NOB1: variants seen among roughly 807,000 people sequenced by gnomAD.
The protein encoded by NOB1 is RNA-binding protein NOB1.
In NOB1, 44 loss-of-function variants were observed where a neutral mutation model predicts 44.8. The observed-to-expected ratio is 0.98, with a 90% CI of 0.77 to 1.26. The LOEUF is 1.26. Among genes scored for constraint, NOB1 ranks in the 50% most tolerant of loss-of-function variants. The probability of loss-of-function intolerance (pLI) is 0.00; values close to 1 mark genes in which losing one functional copy is unlikely to be tolerated. For missense variants in NOB1, 560 were observed against 544.8 expected (o/e 1.03, Z -0.28); for synonymous variants, 238 against 218.7 (o/e 1.09, Z -0.78).
rs1567645274 is a variant in NOB1 at position 69,754,904 on chromosome 16, G to C, written c.7C>G (p.Pro3Ala). 3 of 1,585,460 alleles carry C rather than the reference G, an allele frequency of 1.9e-6. No homozygotes were observed. The Admixed American group carries it at 5.4e-5, about 29-fold the overall frequency. The part of the protein sequence containing the change: MA[P>A]VEHVVADAGA... ...GCATCCGCCACAACGTGCTCCACTG[G>C]AGCCATGTTGGCTGCGTGAGAGGGG... The change falls in exon 1 of 9, where the codon CCA becomes GCA. Residue 3 changes from proline to alanine, a missense_variant. Physicochemically the swap from Pro to Ala is conservative, Grantham distance 27. Coordinates refer to ENST00000268802, the MANE Select transcript of NOB1 (RefSeq NM_014062.3).
chr16:69,754,192 A>C (rs1186964456), intron 2 of NOB1, among the ~76,000 whole-genome samples: 4 of 152,214 alleles, frequency 2.6e-5, no homozygotes, highest in Non-Finnish European at 5.9e-5. Context: ...CATCAGCCCA[A>C]TCTACTGAAA....
chr16:69,747,172 G>C (rs1189472324), intron 7 of NOB1, among the ~76,000 whole-genome samples: 1 of 139,386 alleles, frequency 7.2e-6, no homozygotes. Flanking sequence ...AGTGAGTCGT[G>C]ATCGTGCCAC....
At position 69,754,741 on chromosome 16, in the gene NOB1, C is replaced by A. The variant is rs762340534; in HGVS notation, c.64-15G>T. ...TTCCCGATGTCCTGCGGACAGAACGCCCCAGCTCAGACCCACCCGCACCAA... is the reference window on the plus strand; with the variant it reads ...TTCCCGATGTCCTGCGGACAGAACGACCCAGCTCAGACCCACCCGCACCAA... On this transcript the variant is annotated splice_polypyrimidine_tract_variant and intron_variant, in intron 1 of 8. Coordinates refer to ENST00000268802, the MANE Select transcript of NOB1 (RefSeq NM_014062.3). 6.2e-7 allele frequency: 1 copy of A among 1,613,862 alleles called. No homozygotes were observed. The highest frequency in any genetic ancestry group is 8.5e-7 in the Non-Finnish European group (1 of 1,180,014).
chr16:69,743,409 T>A (rs1300127376), intron 8 of NOB1, among the ~76,000 whole-genome samples: 1 of 152,210 alleles, frequency 6.6e-6, no homozygotes, highest in Non-Finnish European at 1.5e-5. Flanking sequence ...TTAAGTATTA[T>A]AAATAACTTT....
intron 3 of NOB1, among the ~76,000 whole-genome samples, chr16:69,751,595 A>G (rs113668772): frequency 7.2e-5 from 11 of 152,322 alleles, no homozygotes; most frequent in African/African-American, 2.4e-4. Flanking sequence ...ACGCTTTAAC[A>G]TTTACAAAAT....
At position 69,742,617 on chromosome 16, in the gene NOB1, G is replaced by A. The variant is rs776064591; in HGVS notation, c.970-16C>T. On this transcript the variant is annotated splice_polypyrimidine_tract_variant and intron_variant, in intron 8 of 8. Coordinates refer to ENST00000268802, the MANE Select transcript of NOB1 (RefSeq NM_014062.3). Reference sequence around the variant, plus strand: ...GAAGCGAGTACTGGAAATAAGACAAGGAAGGGCCATTAGAAGAAGGGGAGC... The same window carrying A: ...GAAGCGAGTACTGGAAATAAGACAAAGAAGGGCCATTAGAAGAAGGGGAGC... 1 of 1,612,768 alleles carries A rather than the reference G, an allele frequency of 6.2e-7. No homozygotes were observed. Among genetic ancestry groups the A allele is most frequent in the Admixed American group, 1.7e-5 (1 of 59,978 alleles).
chr16:69,754,655 C>T lies in NOB1; in HGVS notation c.135G>A (p.Arg45=), dbSNP rs1345069449. ...TEIRDKATRR[R]LAVLPYELRF... ...GCAGCTCGTAGGGCAGGACAGCGAG[C>T]CGCCTGCGTGTGGCCTTGTCCCGAA... The change falls in exon 2 of 9, where the codon CGG becomes CGA. Residue 45 remains arginine (R), a synonymous_variant. Coordinates refer to ENST00000268802, the MANE Select transcript of NOB1 (RefSeq NM_014062.3). The T allele has an allele frequency of 1.2e-6, 2 of 1,614,184 alleles. No homozygotes were observed. The highest frequency in any genetic ancestry group is 1.7e-6 in the Non-Finnish European group (2 of 1,180,036).
chr16:69,749,706 GA>G, intron 3 of NOB1, 76 bp from the exon 4 acceptor site: 1 of 1,091,652 alleles, frequency 9.2e-7, no homozygotes. Flanking sequence ...GGCCGGGCAC[GA>G]TGGCTCATGC....
rs756646596 is a variant in NOB1 at position 69,742,518 on chromosome 16, G to T, written c.1053C>A (p.Leu351=). The T allele has an allele frequency of 3.1e-6, 5 of 1,614,216 alleles. No homozygotes were observed. The East Asian group carries it at 1.1e-4, about 36-fold the overall frequency. ...TGGTTTTCTGCCTGGCCTTTTGGGA[G>T]AGTCGCAGCTGAGGGAAGCGCTGAT... The part of the protein sequence containing the change: ...TEDQRFPQLR[L]SQKARQKTNV... The change falls in exon 9 of 9, where the codon CTC becomes CTA. Residue 351 remains leucine, a synonymous_variant. Coordinates refer to ENST00000268802, the MANE Select transcript of NOB1 (RefSeq NM_014062.3).
chr16:69,754,691 C>A lies in NOB1; in HGVS notation c.99G>T (p.Val33=), dbSNP rs2038510871. The A allele has an allele frequency of 6.2e-7, 1 of 1,614,074 alleles. No individual in the cohort carries two copies. Among genetic ancestry groups the A allele is most frequent in the African/African-American group, 1.3e-5 (1 of 74,942 alleles). Residue 33 remains valine, a synonymous_variant, in exon 2 of 9, where the codon GTG becomes GTT. Transcript: ENST00000268802. ...TGGCCTTGTCCCGAATCTCAGTGAC[C>A]ACCTCCCGGATGGTGTAAATGTTCT... The part of the protein sequence containing the change: ...IGKNIYTIRE[V]VTEIRDKATR...
chr16:69,751,934 C>A (rs576517762), intron 3 of NOB1, among the ~76,000 whole-genome samples: 17 of 152,014 alleles, frequency 1.1e-4, no homozygotes, highest in Non-Finnish European at 4.4e-5. Flanking sequence ...TGGTCGTGGG[C>A]GCCTGTAATC....
chr16:69,754,804 C>T (rs1337394646), intron 1 of NOB1, 44 bp downstream of exon 1: 2 of 1,609,114 alleles, frequency 1.2e-6, no homozygotes, highest in Admixed American at 1.7e-5. Context: ...CCGGGAGGGG[C>T]GGCCAGCCCA....
intron 6 of NOB1, 72 bp downstream of exon 6, chr16:69,748,846 T>C (rs2038455898): frequency 7.5e-7 from 1 of 1,329,928 alleles, no homozygotes; most frequent in Non-Finnish European, 1.0e-6. Flanking sequence ...CAGTTCCGTG[T>C]ACATCTGTAC....
Position 69,749,585 on chromosome 16 carries a change from T to G in NOB1, c.373A>C (p.Ile125Leu), listed in dbSNP as rs755501551. The change falls in exon 4 of 9, where the codon ATT becomes CTT. Residue 125 changes from isoleucine (I) to leucine (L), a missense_variant. Physicochemically the swap from Ile to Leu is conservative, Grantham distance 5. Transcript: ENST00000268802. ...TTGTAGGGCAGATGGAAACCAGAAA[T>G]GTGCAGAGGTGTTTCTGGGTGCTGA... ...SIQHPETPLH[I>L]SGFHLPYKPK... 1 of 1,613,422 alleles carries G rather than the reference T, an allele frequency of 6.2e-7. No homozygotes were observed. Among genetic ancestry groups the G allele is most frequent in the East Asian group, 2.2e-5 (1 of 44,882 alleles).
rs200005141 is a variant in NOB1 at position 69,749,193 on chromosome 16, A to G, written c.525+20T>C. 6.2e-7 allele frequency: 1 copy of G among 1,612,840 alleles called. No individual in the cohort carries two copies. Among genetic ancestry groups the G allele is most frequent in the Admixed American group, 1.7e-5 (1 of 59,810 alleles). On this transcript the variant is annotated intron_variant, in intron 5 of 8. Transcript: ENST00000268802. ...GGAGAAGTTGAGCTGTCGTCAGAAGACCAAAAGTCAAGGCCTCACCAGCAG... is the reference window on the plus strand; with the variant it reads ...GGAGAAGTTGAGCTGTCGTCAGAAGGCCAAAAGTCAAGGCCTCACCAGCAG...
chr16:69,742,301 C>T lies in NOB1; in HGVS notation c.*31G>A, dbSNP rs767490402. On this transcript the variant is annotated 3_prime_UTR_variant, in exon 9 of 9. Transcript: ENST00000268802. ...ACCGGAACTCCACGGCGGCCAGACG[C>T]CCATCCAATTTGCCTGCGGGAACTC... is the stretch of plus-strand genomic sequence containing the variant. 3.5e-4 allele frequency: 565 copies of T among 1,599,020 alleles called. No homozygotes were observed. The highest frequency in any genetic ancestry group is 3.8e-4 in the Non-Finnish European group (450 of 1,169,586).
At chr16:69,751,514 A>G (rs1304227106) in intron 3 of NOB1, among the ~76,000 whole-genome samples, 1 of 152,092 alleles carries the variant, frequency 6.6e-6, no homozygotes, top group East Asian at 1.9e-4. Flanking sequence ...GAGGGAAAAA[A>G]AAAAGGGACT....
intron 8 of NOB1, among the ~76,000 whole-genome samples, chr16:69,743,968 C>T (rs2038406772): frequency 6.6e-6 from 1 of 152,164 alleles, no homozygotes; most frequent in South Asian, 2.1e-4. Context: ...AAAATATGTA[C>T]ATGTATAAAG....
intron 3 of NOB1, among the ~76,000 whole-genome samples, chr16:69,751,199 C>A (rs901608612): frequency 6.6e-6 from 1 of 152,102 alleles, no homozygotes; most frequent in African/African-American, 2.4e-5. Context: ...GATCCTCCTG[C>A]CTCAGACGGG....
Sources: allele counts gnomAD v4.1 joint callset (sites outside exome capture counted in the v4.1 genomes callset), GRCh38; gene constraint gnomAD v4.1.1; transcripts MANE v1.5; gene names NCBI Gene and HGNC (gene_info 2026-07-23, HGNC 2026-07-21).